The following PDIA6 variants were observed in gnomAD, a reference collection of about 807,000 sequenced individuals.
The protein encoded by PDIA6 is protein disulfide-isomerase A6.
In PDIA6, 29 loss-of-function variants were observed where a neutral mutation model predicts 58.4. That is an observed-to-expected ratio of 0.50 (90% confidence interval 0.37 to 0.68). The LOEUF is 0.68. PDIA6 is among the 30% of genes least tolerant of loss of function. The pLI, the probability that PDIA6 is intolerant of heterozygous loss-of-function variation, is 0.00. For missense variants in PDIA6, 480 were observed against 551.0 expected (o/e 0.87, Z 1.29); for synonymous variants, 192 against 202.6 (o/e 0.95, Z 0.44).
chr2:10,806,856 G>A (rs1000949772), intron 1 of PDIA6, among the ~76,000 whole-genome samples: 3 of 152,058 alleles, frequency 2.0e-5, no homozygotes, highest in Admixed American at 6.6e-5. Context: ...ATTCAGTACA[G>A]TAACATGCCG....
In PDIA6 at chr2:10,812,777, C is replaced by T; in HGVS notation, c.-81G>A. On this transcript the variant is annotated 5_prime_UTR_variant, in exon 1 of 13. Transcript: ENST00000272227. ...CGTGCCGCACGCCGCGCCCCCGCGC[C>T]CACGTCCCGCCCCAGGCCAGTCCGG... is the stretch of plus-strand genomic sequence containing the variant. The T allele has an allele frequency of 7.6e-7, 1 of 1,321,612 alleles. No homozygotes were observed. The highest frequency in any genetic ancestry group is 9.7e-7 in the Non-Finnish European group (1 of 1,036,188). 81.9% of individuals were successfully genotyped at this position (1,321,612 alleles called of 1,614,324 possible). A position where few individuals can be genotyped will look rare whatever the true frequency, so the allele number is the denominator to read the frequency against.
rs763567951 is a variant in PDIA6, at chr2:10,787,240, C to T, written c.1157+41G>A. On this transcript the variant is annotated intron_variant, in intron 11 of 12. Transcript: ENST00000272227. Reference sequence around the variant, plus strand: ...AATATAAACCTACAACAGAACCAAACAAACAGACAAAACAACAAACAACCT... The same window carrying T: ...AATATAAACCTACAACAGAACCAAATAAACAGACAAAACAACAAACAACCT... The T allele has an allele frequency of 2.3e-5, 37 of 1,581,364 alleles. 1 individual carries two copies. Among genetic ancestry groups the T allele is most frequent in the Non-Finnish European group, 3.1e-5 (36 of 1,150,200 alleles).
chr2:10,803,439 G>A (rs1195126796), intron 1 of PDIA6, among the ~76,000 whole-genome samples: 5 of 152,278 alleles, frequency 3.3e-5, no homozygotes, highest in African/African-American at 1.2e-4. Context: ...TTACAGGCAT[G>A]AGCCATGGCG....
rs142782761 is a variant in PDIA6 at position 10,806,628 on chromosome 2, C to CAAAGAAAGAAAGAAAGAAAGAA, written c.20-3989_20-3988insTTCTTTCTTTCTTTCTTTCTTT. Among the ~76,000 whole-genome samples, 31 of 70,364 alleles carry CAAAGAAAGAAAGAAAGAAAGAA rather than the reference C, an allele frequency of 4.4e-4. 3 individuals carry two copies. The highest frequency in any genetic ancestry group is 1.8e-3 in the East Asian group (4 of 2,210). The allele number at this position is 70,364 out of a possible 152,430, so 46.2% of individuals were successfully genotyped here. On this transcript the variant is annotated intron_variant, in intron 1 of 12. Transcript: ENST00000272227. ...AACCACATCTCCTAAAAAATAAAGA[C>CAAAGAAAGAAAGAAAGAAAGAA]AGAAAGAAAGAAAGAAAGAAAAACG...
chr2:10,808,250 T>C (rs2148560904), intron 1 of PDIA6, among the ~76,000 whole-genome samples: 1 of 152,310 alleles, frequency 6.6e-6, no homozygotes, highest in South Asian at 2.1e-4. Flanking sequence ...CCAAGATACA[T>C]GTGGAAGGGG....
At chr2:10,799,349 T>C (rs562570541) in intron 2 of PDIA6, among the ~76,000 whole-genome samples, 16 of 152,358 alleles carry the variant, frequency 1.1e-4, no homozygotes, top group Admixed American at 7.8e-4. Flanking sequence ...AGCACCATGA[T>C]GAAAACACTT....
chr2:10,797,615 A>C, intron 3 of PDIA6, 85 bp downstream of exon 3: 1 of 924,726 alleles, frequency 1.1e-6, no homozygotes, highest in Non-Finnish European at 1.7e-6. Flanking sequence ...CTTATTACTT[A>C]AACATACACA....
intron 1 of PDIA6, among the ~76,000 whole-genome samples, chr2:10,827,708 C>T (rs534725560): frequency 2.0e-5 from 3 of 151,812 alleles, no homozygotes; most frequent in East Asian, 1.9e-4. Flanking sequence ...CCTGTAATCC[C>T]AGCTACTCAG....
chr2:10,788,065 C>CAAAAAAAAAAAAA (rs565180851), intron 10 of PDIA6, among the ~76,000 whole-genome samples: 5 of 102,170 alleles, frequency 4.9e-5, no homozygotes, highest in East Asian at 2.9e-4. Context: ...GACTCTGTCT[C>CAAAAAAAAAAAAA]AAAAAAAAAA....
intron 1 of PDIA6, among the ~76,000 whole-genome samples, chr2:10,824,571 G>C (rs1009103877): frequency 6.6e-6 from 1 of 152,226 alleles, no homozygotes; most frequent in African/African-American, 2.4e-5. Context: ...GTGAAGCTCT[G>C]GACTTTGGTC....
chr2:10,818,222 G>C (rs1404733822), intron 2 of PDIA6, among the ~76,000 whole-genome samples: 1 of 151,486 alleles, frequency 6.6e-6, no homozygotes, highest in Non-Finnish European at 1.5e-5. Context: ...GAGTACAGTG[G>C]TGTGATCATA....
At chr2:10,828,814 C>T (rs1667627991) in intron 1 of PDIA6, among the ~76,000 whole-genome samples, 1 of 152,246 alleles carries the variant, frequency 6.6e-6, no homozygotes, top group Non-Finnish European at 1.5e-5. Context: ...GGCTCTGGCC[C>T]CCGGGTCACA....
intron 10 of PDIA6, among the ~76,000 whole-genome samples, chr2:10,787,689 C>T (rs1665836451): frequency 6.6e-6 from 1 of 152,138 alleles, no homozygotes; most frequent in African/African-American, 2.4e-5. Flanking sequence ...GGAGGAGGAG[C>T]AAGGTCATCG....
At chr2:10,819,733 T>C (rs1667326010) in intron 1 of PDIA6, among the ~76,000 whole-genome samples, 1 of 152,212 alleles carries the variant, frequency 6.6e-6, no homozygotes, top group Non-Finnish European at 1.5e-5. Context: ...GGTCTGACCG[T>C]AATTCCTTTA....
chr2:10,797,082 T>C lies in PDIA6; in HGVS notation c.345A>G (p.Gln115=). The C allele has an allele frequency of 6.2e-7, 1 of 1,613,444 alleles. No homozygotes were observed. Among genetic ancestry groups the C allele is most frequent in the Non-Finnish European group, 8.5e-7 (1 of 1,179,506 alleles). ...GAAGTAGCTAGGAAAAGTCCTTACC[T>C]TGGTAATCTTCTGGTCTGTTTTTGT... ...GSNKNRPEDY[Q]GGRTGEAIVD... Residue 115 remains glutamine, a splice_region_variant and synonymous_variant, in exon 4 of 13, where the codon CAA becomes CAG. Coordinates refer to ENST00000272227, the MANE Select transcript of PDIA6 (RefSeq NM_005742.4).
intron 1 of PDIA6, among the ~76,000 whole-genome samples, chr2:10,811,246 C>T (rs1239277789): frequency 6.6e-6 from 1 of 152,186 alleles, no homozygotes; most frequent in East Asian, 1.9e-4. Flanking sequence ...AAAACATGTA[C>T]TAGCTGGGCC....
At chr2:10,796,375 T>C (rs1032257631) in intron 4 of PDIA6, among the ~76,000 whole-genome samples, 4 of 151,810 alleles carry the variant, frequency 2.6e-5, no homozygotes, top group Non-Finnish European at 4.4e-5. Flanking sequence ...CTTAATTAAA[T>C]AACAAGACAA....
intron 1 of PDIA6, among the ~76,000 whole-genome samples, chr2:10,808,202 G>A (rs910815055): frequency 6.6e-6 from 1 of 152,250 alleles, no homozygotes; most frequent in Non-Finnish European, 1.5e-5. Context: ...CATGTGGAAG[G>A]TGGATTGGGA....
intron 1 of PDIA6, among the ~76,000 whole-genome samples, chr2:10,826,647 G>A (rs978550875): frequency 4.6e-5 from 7 of 152,010 alleles, no homozygotes; most frequent in Non-Finnish European, 1.0e-4. Flanking sequence ...GGCGTGAGCC[G>A]CTGTGCCAGG....
Sources: gnomAD v4.1 joint callset for allele counts (sites outside exome capture counted in the v4.1 genomes callset) on GRCh38, gnomAD v4.1.1 for gene constraint, MANE v1.5 for transcripts, NCBI Gene and HGNC (gene_info 2026-07-23, HGNC 2026-07-21) for gene names.